CES1: variants seen among roughly 807,000 people sequenced by gnomAD.
CES1 encodes liver carboxylesterase 1.
In CES1, 50 loss-of-function variants were observed where a neutral mutation model predicts 53.0. That is an observed-to-expected ratio of 0.94 (90% CI 0.75 to 1.19). CES1 has a LOEUF of 1.19. Among genes scored for constraint, CES1 ranks in the 50% most tolerant of loss-of-function variants. The pLI is 0.00. For missense variants in CES1, 534 were observed against 538.0 expected (o/e 0.99, Z 0.07); for synonymous variants, 202 against 210.1 (o/e 0.96, Z 0.33).
At chr16:55,823,304 G>T (rs2142341600) in intron 4 of CES1, among the ~76,000 whole-genome samples, 1 of 152,316 alleles carries the variant, frequency 6.6e-6, no homozygotes, top group South Asian at 2.1e-4. Context: ...GGTCTTGCAG[G>T]ATGAAGAGGT....
Position 55,820,372 on chromosome 16 carries a change from C to A in CES1, c.801G>T (p.Glu267Asp). The A allele has an allele frequency of 2.6e-6, 4 of 1,563,402 alleles. No homozygotes were observed. The highest frequency in any genetic ancestry group is 2.6e-6 in the Non-Finnish European group (3 of 1,142,068). ...GGAGACGTACCAGCCGGAGACCTAC[C>A]TCAGCCAAGGGCTTGACATCACCTT... ...VKKGDVKPLA[E>D]QIAITAGCKT... is the part of the protein sequence containing the mutation. The change falls in exon 6 of 14, where the codon GAG becomes GAT. Residue 267 changes from glutamate (E) to aspartate (D), a missense_variant and splice_region_variant. Transcript: ENST00000360526.
intron 2 of CES1, among the ~76,000 whole-genome samples, chr16:55,826,524 T>G (rs2032425966): frequency 6.6e-6 from 1 of 152,178 alleles, no homozygotes; most frequent in African/African-American, 2.4e-5. Flanking sequence ...ACCTCTTCCC[T>G]TTCCAGAGCC....
At chr16:55,812,534 C>A in intron 9 of CES1, 1 of 353,302 alleles carries the variant, frequency 2.8e-6, no homozygotes. Flanking sequence ...CACACCCAGC[C>A]CGAGGTGGGA....
chr16:55,811,135 G>A (rs1432006044), intron 9 of CES1, 125 bp from the exon 10 acceptor site: 12 of 789,594 alleles, frequency 1.5e-5, no homozygotes, highest in Middle Eastern at 2.2e-4. Context: ...TTAAGGGCAT[G>A]AGTCTTTACT....
chr16:55,821,606 A>T, intron 4 of CES1, 85 bp from the exon 5 acceptor site: 1 of 1,440,474 alleles, frequency 6.9e-7, no homozygotes, highest in Non-Finnish European at 9.7e-7. Flanking sequence ...AGGGGTTCTC[A>T]GTGAACCCTT....
chr16:55,809,731 C>T (rs535465573), intron 11 of CES1, among the ~76,000 whole-genome samples: 27 of 152,368 alleles, frequency 1.8e-4, no homozygotes, highest in African/African-American at 6.3e-4. Flanking sequence ...CTCTGGCCTT[C>T]TTGGTCCTGG....
intron 8 of CES1, among the ~76,000 whole-genome samples, chr16:55,816,247 A>G (rs1224963046): frequency 6.6e-6 from 1 of 152,200 alleles, no homozygotes; most frequent in Non-Finnish European, 1.5e-5. Context: ...GAGGGTAGGG[A>G]GTCTTTCTTT....
At chr16:55,819,698 G>T (rs2032094381) in intron 6 of CES1, 59 bp from the exon 7 acceptor site, 1 of 1,402,828 alleles carries the variant, frequency 7.1e-7, no homozygotes, top group African/African-American at 1.4e-5. Flanking sequence ...CTCCATCAAA[G>T]AGGAAAGTGG....
In CES1 at chr16:55,810,522, T is replaced by C. The variant is rs1163294381; in HGVS notation, c.1313A>G (p.His438Arg). ...GTTCGACCTCTGGGACTCACCTCTG[T>C]GGTTCCGGGCCACAATCACAGATGG... ...GVPSVIVARN[H>R]RDAGAPTYMY... The change falls in exon 11 of 14, where the codon CAC becomes CGC. Residue 438 changes from histidine (H) to arginine (R), a missense_variant. Transcript: ENST00000360526. 1.9e-6 allele frequency: 3 copies of C among 1,614,084 alleles called. No homozygotes were observed. Among genetic ancestry groups the C allele is most frequent in the South Asian group, 1.1e-5 (1 of 91,092 alleles).
Position 55,813,318 on chromosome 16 carries a change from T to TTA in CES1, c.946-276_946-275insTA, listed in dbSNP as rs201567735. Among the ~76,000 whole-genome samples, 272 of 152,330 alleles carry TTA rather than the reference T, an allele frequency of 1.8e-3. 9 individuals are homozygous for TTA. In the East Asian group the frequency reaches 0.048, roughly 27 times the overall value. On this transcript the variant is annotated intron_variant, in intron 8 of 13. Transcript: ENST00000360526. Reference sequence around the variant, plus strand: ...ATCTATGTAAAATTACATGTCTATATATTTCAATTTGAAGTGCATGCATTT... The same window carrying TTA: ...ATCTATGTAAAATTACATGTCTATATTAATTTCAATTTGAAGTGCATGCATTT...
At chr16:55,828,260 C>A in intron 2 of CES1, 1 of 250,068 alleles carries the variant, frequency 4.0e-6, no homozygotes, top group South Asian at 4.8e-5. Flanking sequence ...ATAGGCACAC[C>A]TGAGAGTTGA....
Position 55,823,664 on chromosome 16 carries a change from C to G in CES1, c.425G>C (p.Gly142Ala), listed in dbSNP as rs538274902. 6.2e-7 allele frequency: 1 copy of G among 1,613,970 alleles called. No homozygotes were observed. Among genetic ancestry groups the G allele is most frequent in the African/African-American group, 1.3e-5 (1 of 74,984 alleles). The change falls in exon 4 of 14, where the codon GGA becomes GCA. Residue 142 changes from glycine (G) to alanine (A), a missense_variant. By Grantham distance (60) the Gly-to-Ala change is moderately conservative. This residue lies in a region of CES1 where 4 missense variants were observed against 50.0 expected (regional missense o/e 0.08). Transcript: ENST00000360526. ...TGCCGCACCCACCATCAGCCCCCCT[C>G]CGTGGATCCACACCATCACCTGGGC... ...NRLPVMVWIH[G>A]GGLMVGAAST...
At chr16:55,810,870 G>T in intron 10 of CES1, 57 bp downstream of exon 10, 1 of 1,512,900 alleles carries the variant, frequency 6.6e-7, no homozygotes, top group South Asian at 1.1e-5. Context: ...TATGATTTGG[G>T]CAAGTCCTTG....
chr16:55,824,290 G>A (rs2032334974), intron 3 of CES1, among the ~76,000 whole-genome samples: 1 of 152,296 alleles, frequency 6.6e-6, no homozygotes, highest in South Asian at 2.1e-4. Context: ...CGAGAACTTA[G>A]CATGTGCCAG....
At position 55,821,489 on chromosome 16, in the gene CES1, C is replaced by A. The variant is rs552379877; in HGVS notation, c.572G>T (p.Gly191Val). ...CAGGGCAGCCACCTGGTCCAGGTGA[C>A]CCCAGTTCCCCCGGCTGTGTTCATC... The part of the protein sequence containing the change: ...TGDEHSRGNW[G>V]HLDQVAALRW... The change falls in exon 5 of 14, where the codon GGT becomes GTT. Residue 191 changes from glycine (G) to valine (V), a missense_variant. Around this residue, in one of 5 missense-constraint regions of CES1, gnomAD observed 85 missense variants for 81.9 expected, o/e 1.04. Transcript: ENST00000360526. The A allele has an allele frequency of 6.2e-7, 1 of 1,614,150 alleles. No homozygotes were observed. Among genetic ancestry groups the A allele is most frequent in the South Asian group, 1.1e-5 (1 of 91,074 alleles).
intron 4 of CES1, among the ~76,000 whole-genome samples, chr16:55,822,955 G>C (rs1399173169): frequency 1.4e-4 from 22 of 152,166 alleles, no homozygotes; most frequent in African/African-American, 5.3e-4. Context: ...AAGGAGATCT[G>C]ACTCCTGTCC....
chr16:55,818,021 C>A (rs1459236371), intron 7 of CES1, among the ~76,000 whole-genome samples: 2 of 152,148 alleles, frequency 1.3e-5, no homozygotes, highest in Admixed American at 1.3e-4. Context: ...TCACTTAGAG[C>A]CTGAGCCAAG....
chr16:55,812,827 G>A, intron 9 of CES1, 76 bp downstream of exon 9: 1 of 1,594,064 alleles, frequency 6.3e-7, no homozygotes, highest in African/African-American at 1.3e-5. Flanking sequence ...CTCGGAGAGG[G>A]AAGCATTCCT....
In CES1 at chr16:55,819,572, T is replaced by G. The variant is rs1353080036; in HGVS notation, c.869A>C (p.Lys290Thr). 6.2e-7 allele frequency: 1 copy of G among 1,614,174 alleles called. No homozygotes were observed. The highest frequency in any genetic ancestry group is 8.5e-7 in the Non-Finnish European group (1 of 1,180,020). ...SAVMVHCLRQ[K>T]TEEELLETTL... Reference sequence around the variant, plus strand: ...CGTCTCCAAGAGCTCCTCTTCCGTCTTCTGTCGCAGGCAGTGAACCATGAC... The same window carrying G: ...CGTCTCCAAGAGCTCCTCTTCCGTCGTCTGTCGCAGGCAGTGAACCATGAC... Residue 290 changes from lysine (K) to threonine (T), a missense_variant, in exon 7 of 14, where the codon AAG (lysine) becomes ACG (threonine). By Grantham distance (78) the Lys-to-Thr change is moderately conservative. This residue lies in a region of CES1 where 269 missense variants were observed against 206.6 expected (regional missense o/e 1.30). Coordinates refer to ENST00000360526, the MANE Select transcript of CES1 (RefSeq NM_001025195.2).
Sources: allele counts gnomAD v4.1 joint callset (sites outside exome capture counted in the v4.1 genomes callset), GRCh38; gene constraint gnomAD v4.1.1; regional missense constraint gnomAD v4.1.1; transcripts MANE v1.5; gene names NCBI Gene and HGNC (gene_info 2026-07-23, HGNC 2026-07-21).